Variants in ZHX3 observed in about 807,000 individuals in gnomAD.
ZHX3 encodes zinc fingers and homeoboxes protein 3.
In ZHX3, 20 loss-of-function variants were observed where a neutral mutation model predicts 64.5. That is an observed-to-expected ratio of 0.31 (90% confidence interval 0.22 to 0.45). The LOEUF (loss-of-function observed/expected upper bound fraction) is 0.45, where lower values mean the gene tolerates loss of function less well. Among genes scored for constraint, ZHX3 ranks in the 20% least tolerant of loss-of-function variants. ZHX3 has a pLI of 1.00. For missense variants in ZHX3, 1,041 were observed against 1,195.8 expected (o/e 0.87, Z 1.91); for synonymous variants, 423 against 461.6 (o/e 0.92, Z 1.07).
At chr20:41,250,374 C>T (rs968866862) in intron 2 of ZHX3, among the ~76,000 whole-genome samples, 1 of 152,100 alleles carries the variant, frequency 6.6e-6, no homozygotes, top group Non-Finnish European at 1.5e-5. Context: ...ACAAAATGTC[C>T]GAAGTAGATT....
At chr20:41,242,185 T>G (rs993898059) in intron 2 of ZHX3, among the ~76,000 whole-genome samples, 2 of 152,166 alleles carry the variant, frequency 1.3e-5, no homozygotes, top group African/African-American at 4.8e-5. Context: ...GCACTGTGCT[T>G]TACATTTATT....
chr20:41,201,237 A>AC lies in ZHX3; in HGVS notation c.2860+819dup, dbSNP rs1421902530. The AC allele has an allele frequency of 7.4e-6, 9 of 1,220,534 alleles. No homozygotes were observed. Among genetic ancestry groups the AC allele is most frequent in the Non-Finnish European group, 9.6e-6 (9 of 940,232 alleles). The allele number at this position is 1,220,534 out of a possible 1,614,324, so 75.6% of individuals were successfully genotyped here. A position where few individuals can be genotyped will look rare whatever the true frequency, so the allele number is the denominator to read the frequency against. On this transcript the variant is annotated intron_variant, in intron 3 of 3. Transcript: ENST00000683867. This position sits in a 1 kb window ranked among gnomAD's most constrained non-coding sequence, Gnocchi z 5.0. Reference sequence around the variant, plus strand: ...CAGCTAGCAATGCTGCCATTTTGGAACCCCCAATCCCTTCAGCTTCTACAA... The same window carrying AC: ...CAGCTAGCAATGCTGCCATTTTGGAACCCCCCAATCCCTTCAGCTTCTACAA...
At position 41,275,057 on chromosome 20, in the gene ZHX3, C is replaced by A. The variant is rs541253582; in HGVS notation, c.-244-5974G>T. ...CTGTTAATTCCAGCTACTTGGGAGG[C>A]TGAGGCAGGAGAATCACTTGAACCC... On this transcript the variant is annotated intron_variant, in intron 1 of 3. Coordinates refer to ENST00000683867, the MANE Select transcript of ZHX3 (RefSeq NM_001384317.1). Among the ~76,000 whole-genome samples, 5 of 152,138 alleles carry A rather than the reference C, an allele frequency of 3.3e-5. No homozygotes were observed. The East Asian group carries it at 9.7e-4, about 29-fold the overall frequency.
Position 41,204,014 on chromosome 20 carries a change from G to A in ZHX3, c.903C>T (p.Ile301=). The change falls in exon 3 of 4, where the codon ATC becomes ATT. Residue 301 remains isoleucine (I), a synonymous_variant. Transcript: ENST00000683867. This position sits in a 1 kb window ranked among gnomAD's most constrained non-coding sequence, Gnocchi z 6.6. The part of the protein sequence containing the change: ...PTAKALPKVM[I]PLSSIPTYNA... ...TGTACGTTGGAATGCTGCTCAGGGGGATCATCACTTTGGGAAGGGCCTTGG... is the reference window on the plus strand; with the variant it reads ...TGTACGTTGGAATGCTGCTCAGGGGAATCATCACTTTGGGAAGGGCCTTGG... The A allele has an allele frequency of 6.2e-7, 1 of 1,614,236 alleles. No homozygotes were observed. The highest frequency in any genetic ancestry group is 8.5e-7 in the Non-Finnish European group (1 of 1,180,040).
intron 1 of ZHX3, among the ~76,000 whole-genome samples, chr20:41,271,531 AT>A (rs1352814666): frequency 6.6e-6 from 1 of 152,204 alleles, no homozygotes; most frequent in Non-Finnish European, 1.5e-5. Flanking sequence ...TTTAGTCTGG[AT>A]GGCATATTTT....
At chr20:41,274,284 A>C (rs567585562) in intron 1 of ZHX3, among the ~76,000 whole-genome samples, 2 of 152,352 alleles carry the variant, frequency 1.3e-5, no homozygotes, top group African/African-American at 4.8e-5. Context: ...CACGAAGCTT[A>C]TTTGTTCACT....
intron 2 of ZHX3, among the ~76,000 whole-genome samples, chr20:41,208,335 A>C (rs2038891847): frequency 6.6e-6 from 1 of 152,244 alleles, no homozygotes; most frequent in Non-Finnish European, 1.5e-5. Context: ...TCCCTAATTC[A>C]TTTTATGAGG....
rs1246591219 is a variant in ZHX3, at chr20:41,203,124, G to C, written c.1793C>G (p.Pro598Arg). The C allele has an allele frequency of 2.5e-6, 4 of 1,614,052 alleles. No homozygotes were observed. Among genetic ancestry groups the C allele is most frequent in the African/African-American group, 2.7e-5 (2 of 74,912 alleles). ...IPTTATLATH[P>R]SAKRQSWHQT... ...GTGCCAAGATTGTCGTTTGGCAGAA[G>C]GGTGGGTTGCTAGTGTGGCTGTTGT... Residue 598 changes from proline (P) to arginine (R), a missense_variant, in exon 3 of 4, where the codon CCT (proline) becomes CGT (arginine). Transcript: ENST00000683867. This position sits in a 1 kb window ranked among gnomAD's most constrained non-coding sequence, Gnocchi z 7.1.
At chr20:41,305,594 C>A (rs1262674878) in intron 1 of ZHX3, among the ~76,000 whole-genome samples, 1 of 151,946 alleles carries the variant, frequency 6.6e-6, no homozygotes, top group African/African-American at 2.4e-5. Context: ...ACCATCCTGG[C>A]TAACATGGTG....
chr20:41,307,953 C>G (rs925629821), intron 1 of ZHX3, among the ~76,000 whole-genome samples: 7 of 152,296 alleles, frequency 4.6e-5, no homozygotes, highest in Admixed American at 4.6e-4. Flanking sequence ...CTCTTTTCAA[C>G]TAAGGTACCT....
At chr20:41,257,295 G>A (rs1401883030) in intron 2 of ZHX3, among the ~76,000 whole-genome samples, 1 of 152,164 alleles carries the variant, frequency 6.6e-6, no homozygotes, top group Non-Finnish European at 1.5e-5. Context: ...AGTAAGTGCA[G>A]TATCTTGCAT....
Position 41,219,099 on chromosome 20 carries a change from T to C in ZHX3, c.-150-14033A>G, listed in dbSNP as rs763147120. Among the ~76,000 whole-genome samples the C allele has an allele frequency of 2.0e-5, 3 of 151,906 alleles. No individual in the cohort carries two copies. The highest frequency in any genetic ancestry group is 4.4e-5 in the Non-Finnish European group (3 of 67,984). On this transcript the variant is annotated intron_variant, in intron 2 of 3. Coordinates refer to ENST00000683867, the MANE Select transcript of ZHX3 (RefSeq NM_001384317.1). The surrounding 1 kb of genome is among the most constrained non-coding windows in gnomAD (Gnocchi z 5.0). ...TGTCTGCCACCACGCCCAGCTAATT[T>C]TTTGTATTTTTATTAGAGACGGGTT... is the stretch of plus-strand genomic sequence containing the variant.
At chr20:41,305,015 G>A (rs1160774733) in intron 1 of ZHX3, among the ~76,000 whole-genome samples, 1 of 152,194 alleles carries the variant, frequency 6.6e-6, no homozygotes, top group Non-Finnish European at 1.5e-5. Context: ...ACTGAACAAG[G>A]ACCATTACAC....
chr20:41,220,825 C>T (rs1453502256), intron 2 of ZHX3, among the ~76,000 whole-genome samples: 4 of 151,960 alleles, frequency 2.6e-5, no homozygotes, highest in African/African-American at 9.7e-5. Flanking sequence ...TCCCAAGTAG[C>T]CAGTATTACA....
At chr20:41,246,093 C>G in intron 2 of ZHX3, among the ~76,000 whole-genome samples, 1 of 152,194 alleles carries the variant, frequency 6.6e-6, no homozygotes, top group East Asian at 1.9e-4. Flanking sequence ...TTTGCATCTC[C>G]TTTCCTAGGC....
At chr20:41,299,658 T>G (rs1427840381) in intron 1 of ZHX3, among the ~76,000 whole-genome samples, 2 of 152,070 alleles carry the variant, frequency 1.3e-5, no homozygotes, top group East Asian at 3.8e-4. Flanking sequence ...GGTCATGAGT[T>G]CGAGACCAGC....
chr20:41,193,915 T>C (rs540515703), intron 3 of ZHX3, among the ~76,000 whole-genome samples: 74 of 152,242 alleles, frequency 4.9e-4, no homozygotes, highest in African/African-American at 1.8e-3. Flanking sequence ...TTGGCCAGGG[T>C]GGTCTCGATC....
At chr20:41,254,847 C>T (rs984164231) in intron 2 of ZHX3, among the ~76,000 whole-genome samples, 28 of 152,134 alleles carry the variant, frequency 1.8e-4, no homozygotes, top group South Asian at 6.2e-4. Flanking sequence ...GAGTTGATAA[C>T]GCAGGAGACA....
chr20:41,189,576 C>CT (rs886663554), intron 3 of ZHX3, among the ~76,000 whole-genome samples: 6 of 152,104 alleles, frequency 3.9e-5, no homozygotes, highest in African/African-American at 1.2e-4. Context: ...TCGTAAGTAT[C>CT]TTTTTTTATT....
Sources: allele counts gnomAD v4.1 joint callset (sites outside exome capture counted in the v4.1 genomes callset), GRCh38; gene constraint gnomAD v4.1.1; non-coding constraint Gnocchi (gnomAD v3.1); transcripts MANE v1.5; gene names NCBI Gene and HGNC (gene_info 2026-07-23, HGNC 2026-07-21).